Variants in NAALADL2 observed in about 807,000 individuals in gnomAD.
NAALADL2 encodes the protein N-acetylated alpha-linked acidic dipeptidase like 2, also known as inactive N-acetylated-alpha-linked acidic dipeptidase-like protein 2.
In NAALADL2, 76 loss-of-function variants were observed where a neutral mutation model predicts 87.2. The ratio of observed to expected loss-of-function variants is 0.87; its 90% CI spans 0.72 to 1.05. The LOEUF is 1.05. Ranked by LOEUF, NAALADL2 falls within the 50% of genes least tolerant of loss-of-function variation. The pLI, the probability that NAALADL2 is intolerant of heterozygous loss-of-function variation, is 0.00. For synonymous variants in NAALADL2, 354 were observed against 331.0 expected (o/e 1.07, Z -0.75); for missense variants, 1,089 against 945.8 (o/e 1.15, Z -1.99).
At chr3:175,628,993 C>A (rs968513424) in intron 11 of NAALADL2, among the ~76,000 whole-genome samples, 19 of 150,698 alleles carry the variant, frequency 1.3e-4, no homozygotes, top group Admixed American at 8.0e-4. Context: ...AAGCCTATCC[C>A]AGTTCTTTAT....
chr3:174,954,387 G>C (rs1166369200), intron 1 of NAALADL2, among the ~76,000 whole-genome samples: 1 of 152,070 alleles, frequency 6.6e-6, no homozygotes, highest in Non-Finnish European at 1.5e-5. Flanking sequence ...TGCATTGAGG[G>C]TGCATTATAC....
At chr3:175,654,405 G>A (rs1384682173) in intron 11 of NAALADL2, among the ~76,000 whole-genome samples, 1 of 152,200 alleles carries the variant, frequency 6.6e-6, no homozygotes, top group East Asian at 1.9e-4. Flanking sequence ...CATATTTTAA[G>A]CCAAACTTTT....
At chr3:175,410,142 C>A (rs529870817) in intron 5 of NAALADL2, among the ~76,000 whole-genome samples, 1 of 152,094 alleles carries the variant, frequency 6.6e-6, no homozygotes, top group African/African-American at 2.4e-5. Context: ...AGAAATAGTG[C>A]TATAAAAGTA....
intron 1 of NAALADL2, among the ~76,000 whole-genome samples, chr3:174,485,223 G>T (rs1001718745): frequency 6.6e-6 from 1 of 151,860 alleles, no homozygotes; most frequent in Non-Finnish European, 1.5e-5. Flanking sequence ...ATTGCATGAG[G>T]TATTATAAGT....
intron 2 of NAALADL2, among the ~76,000 whole-genome samples, chr3:175,123,032 A>ATTTTCATGATAATGACG: frequency 1.3e-5 from 2 of 151,792 alleles, no homozygotes; most frequent in African/African-American, 4.8e-5. Flanking sequence ...TGATAATGAC[A>ATTTTCATGATAATGACG]TTAATCCATT....
intron 5 of NAALADL2, among the ~76,000 whole-genome samples, chr3:175,445,925 C>G (rs1170093540): frequency 2.0e-5 from 3 of 152,110 alleles, no homozygotes; most frequent in African/African-American, 7.2e-5. Flanking sequence ...CGCCTGCCAT[C>G]ATCCTCACTA....
At chr3:175,396,874 CATT>C (rs1332500595) in intron 5 of NAALADL2, among the ~76,000 whole-genome samples, 3 of 151,998 alleles carry the variant, frequency 2.0e-5, no homozygotes, top group Admixed American at 6.6e-5. Context: ...CCCCTTCTGC[CATT>C]ATTATAAGTT....
At chr3:175,220,322 G>T (rs1190667552) in intron 2 of NAALADL2, among the ~76,000 whole-genome samples, 1 of 149,956 alleles carries the variant, frequency 6.7e-6, no homozygotes, top group African/African-American at 2.4e-5. Context: ...ACAATCTAGA[G>T]GATAACTGGG....
At chr3:175,792,044 G>C (rs1347042714) in intron 13 of NAALADL2, among the ~76,000 whole-genome samples, 2 of 151,720 alleles carry the variant, frequency 1.3e-5, no homozygotes, top group Non-Finnish European at 2.9e-5. Flanking sequence ...ATGGTACTTT[G>C]AAATGAGATG....
chr3:175,695,874 C>T (rs139612171), intron 11 of NAALADL2, among the ~76,000 whole-genome samples: 29 of 152,048 alleles, frequency 1.9e-4, no homozygotes, highest in East Asian at 3.9e-4. Flanking sequence ...TTAGCCTGGG[C>T]GTGCTTATTA....
At chr3:174,812,799 A>G (rs1667128860) in intron 3 of NAALADL2, among the ~76,000 whole-genome samples, 1 of 152,080 alleles carries the variant, frequency 6.6e-6, no homozygotes, top group Admixed American at 6.6e-5. Flanking sequence ...AGAGTAAATA[A>G]AGGCAATTAA....
intron 2 of NAALADL2, among the ~76,000 whole-genome samples, chr3:175,155,257 T>C (rs1262606900): frequency 2.0e-5 from 3 of 152,150 alleles, no homozygotes; most frequent in African/African-American, 4.8e-5. Flanking sequence ...CAACTGGGGC[T>C]GAGAATCACT....
chr3:175,202,725 G>A (rs542872619), intron 2 of NAALADL2, among the ~76,000 whole-genome samples: 5 of 152,192 alleles, frequency 3.3e-5, no homozygotes, highest in African/African-American at 1.2e-4. Flanking sequence ...GTTGGGTAGG[G>A]AAGGACCATC....
At chr3:174,691,098 A>G (rs1728532479) in intron 2 of NAALADL2, among the ~76,000 whole-genome samples, 1 of 152,184 alleles carries the variant, frequency 6.6e-6, no homozygotes, top group Non-Finnish European at 1.5e-5. Context: ...TAAACAATGC[A>G]TATATTTTAA....
At chr3:175,570,523 C>T (rs550935871) in intron 9 of NAALADL2, among the ~76,000 whole-genome samples, 160 of 152,132 alleles carry the variant, frequency 1.1e-3, no homozygotes, top group Non-Finnish European at 1.9e-3. Flanking sequence ...ACCAGGAAAA[C>T]CAGTGAGATA....
chr3:174,520,160 AT>A (rs150305466), intron 1 of NAALADL2, among the ~76,000 whole-genome samples: 2,541 of 152,312 alleles, frequency 0.017, 73 homozygotes, highest in African/African-American at 0.059. Flanking sequence ...TACAGATGCA[AT>A]GCAATTCCTG....
intron 1 of NAALADL2, among the ~76,000 whole-genome samples, chr3:174,494,200 T>C (rs960763043): frequency 6.6e-6 from 1 of 152,066 alleles, no homozygotes; most frequent in East Asian, 1.9e-4. Flanking sequence ...CGCTTGGAGA[T>C]GAGAACCAAA....
intron 3 of NAALADL2, among the ~76,000 whole-genome samples, chr3:174,803,756 G>A (rs1273237681): frequency 2.6e-5 from 4 of 152,074 alleles, no homozygotes; most frequent in Non-Finnish European, 5.9e-5. Context: ...TTTTTGTCAG[G>A]TTTGTCAAAG....
chr3:174,713,562 G>A lies in NAALADL2; in HGVS notation c.-114-24079G>A, dbSNP rs141369935. 6.2e-3 allele frequency among the ~76,000 whole-genome samples: 939 copies of A among 152,288 alleles called. 5 individuals are homozygous for A. The highest frequency in any genetic ancestry group is 0.022 in the African/African-American group (893 of 41,522). ...CATTTCTCTGATGGCCAGTGATGAT[G>A]AGTACTTTTTCATGTGTCTTTTGGC... On this transcript the variant is annotated intron_variant, in intron 2 of 3. Transcript: ENST00000434257.
Sources: gnomAD v4.1 joint callset for allele counts (sites outside exome capture counted in the v4.1 genomes callset) on GRCh38, gnomAD v4.1.1 for gene constraint, MANE v1.5 for transcripts, NCBI Gene and HGNC (gene_info 2026-07-23, HGNC 2026-07-21) for gene names.